The following CDK17 variants were observed in gnomAD, a reference collection of about 807,000 sequenced individuals.
The protein encoded by CDK17 is cyclin-dependent kinase 17.
Under a neutral mutation model 77.6 loss-of-function variants are expected in CDK17, and 24 were observed. The ratio of observed to expected loss-of-function variants is 0.31; its 90% CI spans 0.22 to 0.44. The LOEUF is 0.44. Among genes scored for constraint, CDK17 ranks in the 20% least tolerant of loss-of-function variants. CDK17 has a pLI of 1.00. For synonymous variants in CDK17, 203 were observed against 210.4 expected, an observed-to-expected ratio of 0.96 and a Z score of 0.30; for missense variants, 429 against 622.5, an observed-to-expected ratio of 0.69 and a Z score of 3.31.
intron 1 of CDK17, among the ~76,000 whole-genome samples, chr12:96,349,968 T>C (rs1485163644): frequency 6.6e-6 from 1 of 152,214 alleles, no homozygotes; most frequent in African/African-American, 2.4e-5. Flanking sequence ...TGTATTTCTA[T>C]AGGTTAGCAA....
chr12:96,363,075 T>C (rs1953521756), intron 1 of CDK17, among the ~76,000 whole-genome samples: 1 of 152,150 alleles, frequency 6.6e-6, no homozygotes, highest in Non-Finnish European at 1.5e-5. Flanking sequence ...CTCACAGATA[T>C]ACACTCTATA....
chr12:96,346,239 T>C (rs1039026857), intron 1 of CDK17, among the ~76,000 whole-genome samples: 16 of 151,796 alleles, frequency 1.1e-4, no homozygotes, highest in Non-Finnish European at 1.9e-4. Flanking sequence ...GATCACAAGG[T>C]CAGGAGATCA....
chr12:96,340,539 T>C (rs1953107508), intron 1 of CDK17, among the ~76,000 whole-genome samples: 1 of 152,176 alleles, frequency 6.6e-6, no homozygotes, highest in Admixed American at 6.5e-5. Context: ...AGATCATTAT[T>C]AAAGAAAAAA....
At chr12:96,302,057 C>T (rs1193244052) in intron 5 of CDK17, among the ~76,000 whole-genome samples, 5 of 152,184 alleles carry the variant, frequency 3.3e-5, no homozygotes, top group Admixed American at 1.3e-4. Flanking sequence ...TTTCCTATGA[C>T]GTTTTTCATA....
At chr12:96,294,398 C>A (rs1952370771) in intron 10 of CDK17, among the ~76,000 whole-genome samples, 1 of 151,524 alleles carries the variant, frequency 6.6e-6, no homozygotes, top group African/African-American at 2.4e-5. Flanking sequence ...TCGAGATCAG[C>A]CTGACCAACA....
Position 96,282,515 on chromosome 12 carries a change from G to C in CDK17, c.1450C>G (p.Pro484Ala), listed in dbSNP as rs200312658. 123 of 1,597,750 alleles carry C rather than the reference G, an allele frequency of 7.7e-5. No homozygotes were observed. Among genetic ancestry groups the C allele is most frequent in the Non-Finnish European group, 1.3e-5 (15 of 1,165,340 alleles). The change falls in exon 15 of 17, where the codon CCA becomes GCA. Residue 484 changes from proline to alanine, a missense_variant. Pro to Ala is a conservative substitution (Grantham distance 27). This residue lies in a region of CDK17 where 115 missense variants were observed against 124.2 expected (regional missense o/e 0.93). Coordinates refer to ENST00000261211, the MANE Select transcript of CDK17 (RefSeq NM_002595.5). ...ACTTTAGGATTTCTCTTACTTTCTG[G>C]TAAAGCATGTATTCTTGGTCCCAGA... ...RSLGPRIHAL[P>A]ESVSIFSLKE...
chr12:96,370,312 T>C (rs1309877323), intron 1 of CDK17, among the ~76,000 whole-genome samples: 1 of 152,216 alleles, frequency 6.6e-6, no homozygotes, highest in South Asian at 2.1e-4. Flanking sequence ...GAGGAAACAT[T>C]CCAAAATGTG....
chr12:96,339,898 G>C (rs1013895794), intron 1 of CDK17, among the ~76,000 whole-genome samples: 2 of 152,094 alleles, frequency 1.3e-5, no homozygotes, highest in African/African-American at 4.8e-5. Flanking sequence ...CTGCACTCCA[G>C]CCTGGGTGAC....
intron 7 of CDK17, 100 bp from the exon 8 acceptor site, chr12:96,297,821 T>G: frequency 1.5e-6 from 1 of 674,990 alleles, no homozygotes; most frequent in Non-Finnish European, 2.6e-6. Flanking sequence ...CTCTTAAGTT[T>G]AGGTCTTGGG....
chr12:96,305,953 C>G (rs944673198), intron 5 of CDK17, among the ~76,000 whole-genome samples: 2 of 152,128 alleles, frequency 1.3e-5, no homozygotes, highest in Non-Finnish European at 2.9e-5. Context: ...GACTCCTGGG[C>G]TCAAGCAAAC....
At chr12:96,315,733 C>T (rs1367151184) in intron 3 of CDK17, among the ~76,000 whole-genome samples, 2 of 152,036 alleles carry the variant, frequency 1.3e-5, no homozygotes, top group Non-Finnish European at 1.5e-5. Flanking sequence ...GGACTGAAAA[C>T]CCAAAGCTGT....
chr12:96,301,112 C>G (rs181606268), intron 5 of CDK17, among the ~76,000 whole-genome samples: 1 of 152,144 alleles, frequency 6.6e-6, no homozygotes, highest in African/African-American at 2.4e-5. Context: ...CTATTTGTTT[C>G]AGGCTTTCCA....
At chr12:96,361,769 T>C (rs926837597) in intron 1 of CDK17, among the ~76,000 whole-genome samples, 2 of 152,184 alleles carry the variant, frequency 1.3e-5, no homozygotes, top group Non-Finnish European at 2.9e-5. Flanking sequence ...AAAAAATTTT[T>C]CCCACATCCA....
At chr12:96,282,847 G>A (rs1380649819) in intron 14 of CDK17, among the ~76,000 whole-genome samples, 5 of 152,144 alleles carry the variant, frequency 3.3e-5, no homozygotes, top group African/African-American at 1.2e-4. Flanking sequence ...AATTTACATT[G>A]CTTGTATTTT....
intron 5 of CDK17, among the ~76,000 whole-genome samples, chr12:96,309,151 C>T (rs1952615449): frequency 1.3e-5 from 2 of 152,164 alleles, no homozygotes; most frequent in Non-Finnish European, 2.9e-5. Flanking sequence ...TCCGTTCAAG[C>T]CATAGCTTTT....
At chr12:96,312,757 T>C (rs1207089771) in intron 4 of CDK17, among the ~76,000 whole-genome samples, 1 of 152,054 alleles carries the variant, frequency 6.6e-6, no homozygotes, top group African/African-American at 2.4e-5. Context: ...CCACAACACT[T>C]ACAAAGAAAA....
At chr12:96,289,657 A>G (rs78775813) in intron 10 of CDK17, among the ~76,000 whole-genome samples, 6,647 of 152,262 alleles carry the variant, frequency 0.044, 499 homozygotes, top group African/African-American at 0.15. Flanking sequence ...TGACATTGAG[A>G]TACACAATTT....
At chr12:96,294,756 A>G (rs1036672175) in intron 10 of CDK17, among the ~76,000 whole-genome samples, 2 of 152,104 alleles carry the variant, frequency 1.3e-5, no homozygotes, top group African/African-American at 4.8e-5. Context: ...GCCTCCTACA[A>G]GGGTCTCAGG....
intron 1 of CDK17, among the ~76,000 whole-genome samples, chr12:96,386,506 A>G (rs1379910626): frequency 6.6e-6 from 1 of 152,074 alleles, no homozygotes; most frequent in South Asian, 2.1e-4. Context: ...AATCTTTAAA[A>G]AATTAGCCAA....
Sources: gnomAD v4.1 joint callset for allele counts (sites outside exome capture counted in the v4.1 genomes callset) on GRCh38, gnomAD v4.1.1 for gene constraint, gnomAD v4.1.1 regional missense constraint, MANE v1.5 for transcripts, NCBI Gene and HGNC (gene_info 2026-07-23, HGNC 2026-07-21) for gene names.